RPL38: variants seen among roughly 807,000 people sequenced by gnomAD.
RPL38 encodes large ribosomal subunit protein eL38.
A neutral mutation model predicts 12.8 loss-of-function variants in RPL38; 2 were observed. The observed-to-expected ratio is 0.16, with a 90% CI of 0.06 to 0.49. The LOEUF (loss-of-function observed/expected upper bound fraction) is 0.49. Among genes scored for constraint, RPL38 ranks in the 20% least tolerant of loss-of-function variants. The pLI is 0.96. For synonymous variants in RPL38, 42 were observed against 30.1 expected (o/e 1.39, Z -1.29); for missense variants, 52 against 79.8 (o/e 0.65, Z 1.33).
At chr17:74,209,091 C>T in intron 3 of RPL38, 96 bp from the exon 4 acceptor site, 4 of 1,354,252 alleles carry the variant, frequency 3.0e-6, no homozygotes, top group Non-Finnish European at 4.2e-6. Flanking sequence ...GTGCTGTCTC[C>T]TGCATGCTGC....
rs368033999 is a variant in RPL38, at chr17:74,209,263, C to T, written c.141C>T (p.Ile47=). 1 of 1,614,012 alleles carries T rather than the reference C, an allele frequency of 6.2e-7. No individual in the cohort carries two copies. Among genetic ancestry groups the T allele is most frequent in the African/African-American group, 1.3e-5 (1 of 74,916 alleles). Residue 47 remains isoleucine, a synonymous_variant, in exon 4 of 5, where the codon ATC becomes ATT. Coordinates refer to ENST00000311111, the MANE Select transcript of RPL38 (RefSeq NM_000999.4). ...GCAGATACCTTTACACCCTGGTCAT[C>T]ACTGACAAAGAGAAGGCAGAGAAAC... The part of the protein sequence containing the change: ...RCSRYLYTLV[I]TDKEKAEKLK...
chr17:74,204,481 C>G, intron 3 of RPL38: 1 of 437,330 alleles, frequency 2.3e-6, no homozygotes. Context: ...AATCTCCACT[C>G]CGCGAAAGCC....
chr17:74,203,729 A>C lies in RPL38; in HGVS notation c.-55A>C. 1 of 601,668 alleles carries C rather than the reference A, an allele frequency of 1.7e-6. No homozygotes were observed. The allele number at this position is 601,668 out of a possible 1,614,324, so 37.3% of individuals were successfully genotyped here. On this transcript the variant is annotated 5_prime_UTR_variant, in exon 1 of 5. Coordinates refer to ENST00000311111, the MANE Select transcript of RPL38 (RefSeq NM_000999.4). ...GCTTGCTGTGAGTGTCTCTAGGGTG[A>C]TACGTGGGTGAGAAAGGTAATCTGG...
intron 3 of RPL38, chr17:74,205,039 T>C (rs1345444034): frequency 6.6e-6 from 1 of 152,236 alleles, no homozygotes; most frequent in Non-Finnish European, 1.5e-5. Context: ...TTACCACCAT[T>C]GTAAAGTCAC....
chr17:74,204,030 T>C, intron 2 of RPL38, 72 bp downstream of exon 2: 1 of 1,612,174 alleles, frequency 6.2e-7, no homozygotes, highest in Non-Finnish European at 8.5e-7. Flanking sequence ...CGAGAGAGCC[T>C]CCCAAGGATC....
At position 74,204,162 on chromosome 17, in the gene RPL38, G is replaced by A. The variant is rs150798024; in HGVS notation, c.36G>A (p.Leu12=). The A allele has an allele frequency of 2.8e-5, 45 of 1,614,050 alleles. No homozygotes were observed. The African/African-American group carries it at 4.8e-4, about 17-fold the overall frequency. The change falls in exon 3 of 5, where the codon CTG becomes CTA. Residue 12 remains leucine (L), a synonymous_variant. Transcript: ENST00000311111. ...AAATTGAGGAAATCAAGGACTTCCT[G>A]CTCACAGCCCGACGAAAGGATGCCA... ...PRKIEEIKDF[L]LTARRKDAKS...
At chr17:74,204,063 T>G (rs1567802845) in intron 2 of RPL38, 67 bp from the exon 3 acceptor site, 1 of 1,610,918 alleles carries the variant, frequency 6.2e-7, no homozygotes, top group Non-Finnish European at 8.5e-7. Context: ...GAGAAGCTGG[T>G]GGACTGGGCC....
In RPL38 at chr17:74,203,901, A is replaced by C. The variant is rs2050084067; in HGVS notation, c.-38-17A>C. 1 of 1,576,120 alleles carries C rather than the reference A, an allele frequency of 6.3e-7. No homozygotes were observed. The highest frequency in any genetic ancestry group is 1.1e-5 in the South Asian group (1 of 87,406). On this transcript the variant is annotated splice_polypyrimidine_tract_variant and intron_variant, in intron 1 of 4. Transcript: ENST00000311111. ...CAGCCCCCGCGCCGTGTTAACGCCG[A>C]GGACTGTTTCCCGCAGGTCCTGGTC...
intron 3 of RPL38, 160 bp downstream of exon 3, chr17:74,204,350 C>A (rs1047140869): frequency 3.1e-6 from 2 of 641,172 alleles, no homozygotes; most frequent in African/African-American, 1.8e-5. Flanking sequence ...ATGAGAAAGA[C>A]CTGTGGGGGG....
rs2050149447 is a variant in RPL38, at chr17:74,209,867, A to G, written c.*38A>G. The G allele has an allele frequency of 1.9e-6, 3 of 1,561,114 alleles. No individual in the cohort carries two copies. The highest frequency in any genetic ancestry group is 3.4e-5 in the Admixed American group (2 of 59,604). Reference sequence around the variant, plus strand: ...GATTGGAACTGTATTATATTAAAATACTAAAAATCCTAAGTGTCTTTCGTC... The same window carrying G: ...GATTGGAACTGTATTATATTAAAATGCTAAAAATCCTAAGTGTCTTTCGTC... On this transcript the variant is annotated 3_prime_UTR_variant, in exon 5 of 5. Coordinates refer to ENST00000311111, the MANE Select transcript of RPL38 (RefSeq NM_000999.4).
At position 74,209,046 on chromosome 17, in the gene RPL38, T is replaced by C. The variant is rs1159893650; in HGVS notation, c.65-141T>C. 12 of 834,566 alleles carry C rather than the reference T, an allele frequency of 1.4e-5. No homozygotes were observed. The East Asian group carries it at 3.0e-4, about 21-fold the overall frequency. The allele number at this position is 834,566 out of a possible 1,614,324, so 51.7% of individuals were successfully genotyped here. A position where few individuals can be genotyped will look rare whatever the true frequency, so the allele number is the denominator to read the frequency against. On this transcript the variant is annotated intron_variant, in intron 3 of 4. Coordinates refer to ENST00000311111, the MANE Select transcript of RPL38 (RefSeq NM_000999.4). ...AAGTTGGAGGAACGGGTAATAGTGT[T>C]TTCTGTTTGCACAGAGGGATGGTAC...
intron 3 of RPL38, chr17:74,205,048 A>G (rs2143686374): frequency 6.6e-6 from 1 of 152,368 alleles, no homozygotes; most frequent in East Asian, 1.9e-4. Flanking sequence ...TTGTAAAGTC[A>G]CAGAGTTTAA....
At chr17:74,207,962 G>C (rs578190681) in intron 3 of RPL38, among the ~76,000 whole-genome samples, 2 of 152,320 alleles carry the variant, frequency 1.3e-5, no homozygotes, top group East Asian at 3.9e-4. Context: ...CGTGCCTTGG[G>C]CAGGCTCTGA....
At chr17:74,209,607 T>C (rs1374672439) in intron 4 of RPL38, 197 bp from the exon 5 acceptor site, 1 of 634,466 alleles carries the variant, frequency 1.6e-6, no homozygotes, top group South Asian at 2.0e-5. Flanking sequence ...AGATGAAATA[T>C]AATAGACCAA....
chr17:74,206,118 A>G (rs1426423305), intron 3 of RPL38: 1 of 152,150 alleles, frequency 6.6e-6, no homozygotes, highest in Admixed American at 6.5e-5. Context: ...TTTGTTGAAA[A>G]AACTTTTTAA....
chr17:74,206,463 G>A (rs932232356), intron 3 of RPL38, among the ~76,000 whole-genome samples: 2 of 152,056 alleles, frequency 1.3e-5, no homozygotes, highest in African/African-American at 2.4e-5. Context: ...ACACATTGTT[G>A]AGCAGCTGCC....
At chr17:74,205,543 GAC>G (rs1483113851) in intron 3 of RPL38, 1 of 152,226 alleles carries the variant, frequency 6.6e-6, no homozygotes, top group Non-Finnish European at 1.5e-5. Flanking sequence ...CACCTGTGGG[GAC>G]AAATAGCATC....
intron 3 of RPL38, chr17:74,205,288 A>T (rs1296061112): frequency 6.6e-6 from 1 of 152,174 alleles, no homozygotes; most frequent in Non-Finnish European, 1.5e-5. Context: ...TTATGTTGTT[A>T]CTTTAACCCA....
At position 74,203,952 on chromosome 17, in the gene RPL38, C is replaced by T. The variant is rs768993677; in HGVS notation, c.-4C>T. The T allele has an allele frequency of 6.2e-7, 1 of 1,608,134 alleles. No homozygotes were observed. ...CGCGCCAGAGCCCAGCGCGCCTCGTCGCCATGGTGAGTACAGTCCCTGCCT... is the reference window on the plus strand; with the variant it reads ...CGCGCCAGAGCCCAGCGCGCCTCGTTGCCATGGTGAGTACAGTCCCTGCCT... On this transcript the variant is annotated 5_prime_UTR_variant, in exon 2 of 5. Coordinates refer to ENST00000311111, the MANE Select transcript of RPL38 (RefSeq NM_000999.4).
Sources: allele counts gnomAD v4.1 joint callset (sites outside exome capture counted in the v4.1 genomes callset), GRCh38; gene constraint gnomAD v4.1.1; transcripts MANE v1.5; gene names NCBI Gene and HGNC (gene_info 2026-07-23, HGNC 2026-07-21).